Variants in KCNK10 observed in about 807,000 individuals in gnomAD.
KCNK10 encodes the protein potassium channel subfamily K member 10.
A neutral mutation model predicts 47.7 loss-of-function variants in KCNK10; 25 were observed. That is an observed-to-expected ratio of 0.52 (90% confidence interval 0.38 to 0.73). KCNK10 has a LOEUF of 0.73. Among genes scored for constraint, KCNK10 ranks in the 30% least tolerant of loss-of-function variants. The pLI is 0.00. For synonymous variants in KCNK10, 303 were observed against 285.6 expected (o/e 1.06, Z -0.61); for missense variants, 563 against 714.5 (o/e 0.79, Z 2.42).
intron 3 of KCNK10, among the ~76,000 whole-genome samples, chr14:88,228,302 A>G (rs921126359): frequency 2.1e-5 from 3 of 144,904 alleles, no homozygotes; most frequent in African/African-American, 8.0e-5. Context: ...TATTTCAAAT[A>G]GTGCTTTGAA....
At position 88,185,838 on chromosome 14, in the gene KCNK10, C is replaced by G; in HGVS notation, c.1329G>C (p.Ala443=). ...PEQLNKHGQG[A]SEDNIINKFG... Reference sequence around the variant, plus strand: ...ACTTGTTGATGATGTTGTCCTCGGACGCACCCTGCCCATGCTTGTTCAGCT... The same window carrying G: ...ACTTGTTGATGATGTTGTCCTCGGAGGCACCCTGCCCATGCTTGTTCAGCT... The change falls in exon 7 of 7, where the codon GCG becomes GCC. Residue 443 remains alanine (A), a synonymous_variant. Transcript: ENST00000319231. The surrounding 1 kb of genome is among the most constrained non-coding windows in gnomAD (Gnocchi z 4.3). 3 of 1,614,174 alleles carry G rather than the reference C, an allele frequency of 1.9e-6. No homozygotes were observed. Among genetic ancestry groups the G allele is most frequent in the Non-Finnish European group, 2.5e-6 (3 of 1,180,038 alleles).
intron 1 of KCNK10, among the ~76,000 whole-genome samples, chr14:88,310,136 T>C (rs4243684): frequency 0.96 from 104,528 of 108,726 alleles, 50,176 homozygotes; most frequent in Non-Finnish European, 1. Flanking sequence ...CTGGAGCTGA[T>C]GTTTTAATCC....
intron 1 of KCNK10, among the ~76,000 whole-genome samples, chr14:88,267,608 G>A (rs932357650): frequency 6.6e-6 from 1 of 152,112 alleles, no homozygotes; most frequent in Non-Finnish European, 1.5e-5. Context: ...CTGACCTCAG[G>A]TGATCTGCCC....
intron 4 of KCNK10, among the ~76,000 whole-genome samples, chr14:88,219,722 C>T (rs897370873): frequency 2.6e-5 from 4 of 152,210 alleles, no homozygotes; most frequent in African/African-American, 9.7e-5. Context: ...GATTCCTCTG[C>T]TCCTTAAGCA....
intron 1 of KCNK10, among the ~76,000 whole-genome samples, chr14:88,309,958 T>TC (rs1888277238): frequency 6.6e-6 from 1 of 151,734 alleles, no homozygotes; most frequent in Non-Finnish European, 1.5e-5. Flanking sequence ...GCACCTGACT[T>TC]CCCCCCTTCC....
intron 1 of KCNK10, among the ~76,000 whole-genome samples, chr14:88,286,832 C>T (rs1490361914): frequency 6.6e-6 from 1 of 152,166 alleles, no homozygotes; most frequent in Non-Finnish European, 1.5e-5. Context: ...TGGTCCCACC[C>T]ACAACATGTG....
rs187558874 is a variant in KCNK10 at position 88,185,835 on chromosome 14, G to C, written c.1332C>G (p.Ser444=). 6.2e-7 allele frequency: 1 copy of C among 1,614,124 alleles called. No homozygotes were observed. Among genetic ancestry groups the C allele is most frequent in the Non-Finnish European group, 8.5e-7 (1 of 1,180,030 alleles). Residue 444 remains serine (S), a synonymous_variant, in exon 7 of 7, where the codon TCC becomes TCG. Transcript: ENST00000319231. This position sits in a 1 kb window ranked among gnomAD's most constrained non-coding sequence, Gnocchi z 4.3. ...EQLNKHGQGA[S]EDNIINKFGS... is the part of the protein sequence containing the mutation. ...CGAACTTGTTGATGATGTTGTCCTC[G>C]GACGCACCCTGCCCATGCTTGTTCA... is the stretch of plus-strand genomic sequence containing the variant.
intron 4 of KCNK10, among the ~76,000 whole-genome samples, chr14:88,197,525 G>A (rs1884952676): frequency 8.6e-6 from 1 of 116,942 alleles, no homozygotes; most frequent in South Asian, 3.0e-4. Flanking sequence ...AGCGAGCCAA[G>A]ATTGCACCAC....
chr14:88,213,502 C>T (rs1275122612), intron 4 of KCNK10, among the ~76,000 whole-genome samples: 4 of 152,230 alleles, frequency 2.6e-5, no homozygotes, highest in African/African-American at 7.2e-5. Flanking sequence ...AAATTCATAA[C>T]TCAAAAGCAC....
chr14:88,258,463 G>A (rs1164772374), intron 2 of KCNK10, among the ~76,000 whole-genome samples: 1 of 151,986 alleles, frequency 6.6e-6, no homozygotes, highest in Non-Finnish European at 1.5e-5. Context: ...GCTAATTTTT[G>A]TATTTTTAGT....
intron 1 of KCNK10, among the ~76,000 whole-genome samples, chr14:88,285,042 A>G (rs1260428270): frequency 6.6e-6 from 1 of 152,230 alleles, no homozygotes; most frequent in Non-Finnish European, 1.5e-5. Context: ...GTGTTCCTGA[A>G]CATTAAATGC....
At position 88,180,636 on chromosome 14, in the gene KCNK10, T is replaced by A; in HGVS notation, c.*4899A>T. The A allele has an allele frequency of 2.5e-6, 1 of 397,032 alleles. No individual in the cohort carries two copies. The highest frequency in any genetic ancestry group is 3.6e-5 in the East Asian group (1 of 28,168). 24.6% of individuals were successfully genotyped at this position (397,032 alleles called of 1,614,324 possible). A position where few individuals can be genotyped will look rare whatever the true frequency, so the allele number is the denominator to read the frequency against. ...TCAAGAACACAAAGTAGATACCAAA[T>A]CTCAGGCACCTGTGAAAATGATAAT... On this transcript the variant is annotated 3_prime_UTR_variant, in exon 7 of 7. Transcript: ENST00000319231.
intron 3 of KCNK10, among the ~76,000 whole-genome samples, chr14:88,239,269 A>C (rs1376937195): frequency 6.6e-6 from 1 of 152,154 alleles, no homozygotes; most frequent in Admixed American, 6.5e-5. Context: ...GTGAGATACA[A>C]CTTATATAGA....
intron 4 of KCNK10, among the ~76,000 whole-genome samples, chr14:88,206,896 A>G (rs980124908): frequency 1.3e-5 from 2 of 152,230 alleles, no homozygotes; most frequent in African/African-American, 4.8e-5. Flanking sequence ...AATATTGGAT[A>G]TTACAGGGTT....
At chr14:88,298,594 C>A (rs1477741357) in intron 1 of KCNK10, among the ~76,000 whole-genome samples, 1 of 152,170 alleles carries the variant, frequency 6.6e-6, no homozygotes, top group East Asian at 1.9e-4. Context: ...TTAAACCTTT[C>A]TTTTTCACTC....
chr14:88,289,830 T>C (rs898802518), intron 1 of KCNK10, among the ~76,000 whole-genome samples: 69 of 152,246 alleles, frequency 4.5e-4, no homozygotes, highest in Admixed American at 7.9e-4. Context: ...GATAATTCAC[T>C]TGAAGTGCCT....
At chr14:88,217,537 A>T (rs888929718) in intron 4 of KCNK10, among the ~76,000 whole-genome samples, 2 of 152,168 alleles carry the variant, frequency 1.3e-5, no homozygotes, top group African/African-American at 2.4e-5. Context: ...TGAAATAATA[A>T]TTTTTATTTT....
chr14:88,244,853 A>G (rs986543861), intron 2 of KCNK10, among the ~76,000 whole-genome samples: 2 of 152,200 alleles, frequency 1.3e-5, no homozygotes, highest in African/African-American at 2.4e-5. Flanking sequence ...AGTGAGCATC[A>G]TTTGTTCACT....
intron 1 of KCNK10, among the ~76,000 whole-genome samples, chr14:88,290,098 C>T (rs537084965): frequency 6.6e-6 from 1 of 152,294 alleles, no homozygotes; most frequent in South Asian, 2.1e-4. Flanking sequence ...CATTACTTTA[C>T]TACTTTACAC....
Sources: allele counts gnomAD v4.1 joint callset (sites outside exome capture counted in the v4.1 genomes callset), GRCh38; gene constraint gnomAD v4.1.1; non-coding constraint Gnocchi (gnomAD v3.1); transcripts MANE v1.5; gene names NCBI Gene and HGNC (gene_info 2026-07-23, HGNC 2026-07-21).